Variants in CSMD1 observed in about 807,000 individuals in gnomAD.
The protein encoded by CSMD1 is CUB and sushi domain-containing protein 1.
In CSMD1, 213 loss-of-function variants were observed where a neutral mutation model predicts 417.5. That is an observed-to-expected ratio of 0.51 (90% CI 0.46 to 0.57). The LOEUF (loss-of-function observed/expected upper bound fraction) is 0.57. Ranked by LOEUF, CSMD1 falls within the 20% of genes least tolerant of loss-of-function variation. The probability of loss-of-function intolerance (pLI) is 0.00; values close to 1 mark genes in which losing one functional copy is unlikely to be tolerated. For synonymous variants in CSMD1, 2,862 were observed against 1,736.8 expected, an observed-to-expected ratio of 1.65 and a Z score of -16.11; for missense variants, 6,923 against 4,529.7, an observed-to-expected ratio of 1.53 and a Z score of -15.17.
intron 2 of CSMD1, among the ~76,000 whole-genome samples, chr8:4,601,878 G>C (rs547807708): frequency 1.3e-5 from 2 of 152,304 alleles, no homozygotes; most frequent in Admixed American, 6.5e-5. Flanking sequence ...CTGTGGAGCA[G>C]GGCACAGCCT....
chr8:3,382,186 G>A (rs974880590), intron 18 of CSMD1, among the ~76,000 whole-genome samples: 2 of 151,938 alleles, frequency 1.3e-5, no homozygotes, highest in Non-Finnish European at 2.9e-5. Context: ...TTGAACCTGG[G>A]AGGCGGAGGT....
intron 5 of CSMD1, among the ~76,000 whole-genome samples, chr8:3,926,051 T>TATACACACACACACACACAAACACC (rs1554488566): frequency 0.11 from 7,950 of 73,352 alleles, 1,191 homozygotes; most frequent in East Asian, 0.39. Flanking sequence ...ACAAACACCA[T>TATACACACACACACACACAAACACC]ATACACACAC....
chr8:3,194,985 G>C (rs546769778), intron 33 of CSMD1, among the ~76,000 whole-genome samples: 2 of 152,094 alleles, frequency 1.3e-5, no homozygotes, highest in South Asian at 4.2e-4. Flanking sequence ...CTGCGGAAGG[G>C]GTTCAATATA....
intron 26 of CSMD1, among the ~76,000 whole-genome samples, chr8:3,239,765 A>T (rs1364996237): frequency 6.6e-6 from 1 of 152,190 alleles, no homozygotes; most frequent in Non-Finnish European, 1.5e-5. Flanking sequence ...TCAATAAACC[A>T]AGCGTGATGA....
chr8:3,833,065 T>C (rs1223775688), intron 5 of CSMD1, among the ~76,000 whole-genome samples: 4 of 152,192 alleles, frequency 2.6e-5, no homozygotes, highest in Admixed American at 6.5e-5. Context: ...TGGCAGCTGT[T>C]TGAATGTTTC....
intron 5 of CSMD1, among the ~76,000 whole-genome samples, chr8:3,795,123 T>C (rs1242296209): frequency 1.1e-5 from 1 of 92,710 alleles, no homozygotes; most frequent in Non-Finnish European, 2.3e-5. Context: ...TAGATATCTA[T>C]CATGTACAGC....
chr8:4,207,043 T>C (rs1399678045), intron 3 of CSMD1, among the ~76,000 whole-genome samples: 1 of 152,206 alleles, frequency 6.6e-6, no homozygotes, highest in Non-Finnish European at 1.5e-5. Flanking sequence ...TGTATACCTA[T>C]TTTTCTATTT....
At chr8:3,835,509 A>G (rs566939787) in intron 5 of CSMD1, among the ~76,000 whole-genome samples, 5 of 151,950 alleles carry the variant, frequency 3.3e-5, no homozygotes, top group Non-Finnish European at 5.9e-5. Context: ...ATAGCTGGGA[A>G]TTGAACAATG....
chr8:4,454,608 G>C (rs1228979166), intron 2 of CSMD1, among the ~76,000 whole-genome samples: 1 of 152,182 alleles, frequency 6.6e-6, no homozygotes, highest in Admixed American at 6.5e-5. Context: ...GGGAAGGAGG[G>C]CATAGCAGAA....
intron 12 of CSMD1, among the ~76,000 whole-genome samples, chr8:3,454,332 T>A (rs1414196570): frequency 1.3e-5 from 2 of 152,236 alleles, no homozygotes; most frequent in East Asian, 3.8e-4. Flanking sequence ...AATATTGTTA[T>A]GTGTGAATTT....
chr8:3,072,215 T>C (rs1392986171), intron 49 of CSMD1, among the ~76,000 whole-genome samples: 4 of 152,194 alleles, frequency 2.6e-5, no homozygotes, highest in Admixed American at 2.6e-4. Flanking sequence ...AGGTCGAAAG[T>C]TTTGTTTACA....
chr8:4,113,500 G>C (rs1037994697), intron 3 of CSMD1, among the ~76,000 whole-genome samples: 7 of 145,386 alleles, frequency 4.8e-5, no homozygotes, highest in African/African-American at 1.8e-4. Context: ...TGCCTCCCAG[G>C]TTCAAGCAAT....
chr8:4,126,396 GCCAAA>G (rs1802767444), intron 3 of CSMD1, among the ~76,000 whole-genome samples: 2 of 152,160 alleles, frequency 1.3e-5, no homozygotes, highest in Non-Finnish European at 2.9e-5. Context: ...CCAGAATGGT[GCCAAA>G]CACCCATCAC....
chr8:3,953,635 G>T (rs1379766592), intron 5 of CSMD1, among the ~76,000 whole-genome samples: 2 of 152,050 alleles, frequency 1.3e-5, no homozygotes, highest in African/African-American at 4.8e-5. Flanking sequence ...TCTATGTTAG[G>T]TGCCTCACCT....
chr8:4,443,453 A>G (rs1299670299), intron 2 of CSMD1, among the ~76,000 whole-genome samples: 3 of 152,232 alleles, frequency 2.0e-5, no homozygotes, highest in African/African-American at 7.2e-5. Flanking sequence ...GAATTGTATG[A>G]TGCAATCAAG....
intron 11 of CSMD1, among the ~76,000 whole-genome samples, chr8:3,485,538 C>CAGAGAGAGAG (rs55757538): frequency 5.9e-4 from 80 of 135,026 alleles, no homozygotes; most frequent in Middle Eastern, 7.5e-3. Flanking sequence ...CACACACACA[C>CAGAGAGAGAG]AGAGAGAGAG....
chr8:3,963,714 G>A lies in CSMD1; in HGVS notation c.818+34189C>T, dbSNP rs550870588. ...ACATAGATTTCATCGTAGACAAACTGCAATAATTTTGATAGCAAAACAAAA... is the reference window on the plus strand; with the variant it reads ...ACATAGATTTCATCGTAGACAAACTACAATAATTTTGATAGCAAAACAAAA... On this transcript the variant is annotated intron_variant, in intron 5 of 69. Transcript: ENST00000635120. 9.2e-5 allele frequency among the ~76,000 whole-genome samples: 14 copies of A among 152,190 alleles called. No homozygotes were observed. In the South Asian group the frequency reaches 1.9e-3, roughly 20 times the overall value.
chr8:4,191,916 A>T (rs1427648499), intron 3 of CSMD1, among the ~76,000 whole-genome samples: 1 of 152,198 alleles, frequency 6.6e-6, no homozygotes, highest in African/African-American at 2.4e-5. Context: ...GAAAGTGAGC[A>T]TTAGCACAAT....
At chr8:4,149,347 T>A (rs1796446983) in intron 3 of CSMD1, among the ~76,000 whole-genome samples, 1 of 152,170 alleles carries the variant, frequency 6.6e-6, no homozygotes, top group Non-Finnish European at 1.5e-5. Flanking sequence ...CCAGTTTGCA[T>A]TTCTAAAAAG....
Sources: gnomAD v4.1 joint callset for allele counts (sites outside exome capture counted in the v4.1 genomes callset) on GRCh38, gnomAD v4.1.1 for gene constraint, MANE v1.5 for transcripts, NCBI Gene and HGNC (gene_info 2026-07-23, HGNC 2026-07-21) for gene names.